The following DNAH9 variants were observed in gnomAD, a reference collection of about 807,000 sequenced individuals.
DNAH9 encodes DNAH9 variant protein.
A neutral mutation model predicts 471.6 loss-of-function variants in DNAH9; 345 were observed. The ratio of observed to expected loss-of-function variants is 0.73; its 90% CI spans 0.67 to 0.80. DNAH9 has a LOEUF of 0.80. Ranked by LOEUF, DNAH9 falls within the 30% of genes least tolerant of loss-of-function variation. The pLI, the probability that DNAH9 is intolerant of heterozygous loss-of-function variation, is 0.00. For synonymous variants in DNAH9, 2,093 were observed against 2,123.6 expected (o/e 0.99, Z 0.40); for missense variants, 5,407 against 5,609.2 (o/e 0.96, Z 1.15).
At chr17:11,632,556 T>C (rs1486197668) in intron 7 of DNAH9, 31 bp from the exon 8 acceptor site, 1 of 1,153,330 alleles carries the variant, frequency 8.7e-7, no homozygotes, top group Non-Finnish European at 1.3e-6. Flanking sequence ...GAAAATTACG[T>C]TTTCCTTATA....
rs574122636 is a variant in DNAH9 at position 11,814,232 on chromosome 17, G to GA, written c.8707+3871dup. Among the ~76,000 whole-genome samples, 40 of 151,944 alleles carry GA rather than the reference G, an allele frequency of 2.6e-4. 1 individual carries two copies. The South Asian group carries it at 7.7e-3, about 29-fold the overall frequency. The stretch of plus-strand genomic sequence containing the variant: ...GCAAGTCCCCACTCTAATTTAGAGG[G>GA]AAAAAAAATCAGAATTATTCCCTGG... On this transcript the variant is annotated intron_variant, in intron 45 of 68. Transcript: ENST00000262442.
At chr17:11,708,004 C>CAGAGAG in intron 26 of DNAH9, among the ~76,000 whole-genome samples, 1 of 49,074 alleles carries the variant, frequency 2.0e-5, no homozygotes, top group East Asian at 7.5e-4. Context: ...CACACACACA[C>CAGAGAG]ACACACACAC....
At chr17:11,945,386 A>C (rs928107615) in intron 67 of DNAH9, among the ~76,000 whole-genome samples, 3 of 151,922 alleles carry the variant, frequency 2.0e-5, no homozygotes, top group African/African-American at 7.3e-5. Context: ...AAAATACAAA[A>C]ATAAGCCAGG....
At chr17:11,856,543 C>CAAAAAA (rs34782323) in intron 50 of DNAH9, among the ~76,000 whole-genome samples, 54,272 of 136,332 alleles carry the variant, frequency 0.4, 11,285 homozygotes, top group Admixed American at 0.52. Context: ...ACTAAAAATA[C>CAAAAAA]AAAAAAAAAA....
intron 49 of DNAH9, among the ~76,000 whole-genome samples, chr17:11,839,515 CAAA>C (rs1187144134): frequency 1.9e-5 from 2 of 106,134 alleles, no homozygotes; most frequent in Admixed American, 9.9e-5. Context: ...GACTCTGTCT[CAAA>C]AAAAAAAAAA....
intron 36 of DNAH9, among the ~76,000 whole-genome samples, chr17:11,765,718 A>G (rs1448861547): frequency 6.6e-6 from 1 of 152,110 alleles, no homozygotes; most frequent in Middle Eastern, 3.4e-3. Context: ...TCTGTGGACT[A>G]CTCCTTTGAC....
At chr17:11,705,403 T>C (rs760633220) in intron 26 of DNAH9, 27 of 512,530 alleles carry the variant, frequency 5.3e-5, no homozygotes, top group Admixed American at 2.8e-4. Flanking sequence ...CCGTGACTTT[T>C]TGAGGAATTA....
chr17:11,691,873 G>A (rs1022841540), intron 20 of DNAH9, among the ~76,000 whole-genome samples: 2 of 151,912 alleles, frequency 1.3e-5, no homozygotes, highest in Admixed American at 6.6e-5. Flanking sequence ...GTGCGATCTC[G>A]GCTCACTGCA....
chr17:11,895,297 C>T (rs1024105568), intron 59 of DNAH9, among the ~76,000 whole-genome samples: 7 of 152,208 alleles, frequency 4.6e-5, no homozygotes, highest in Admixed American at 2.0e-4. Flanking sequence ...CAGGCCTGCA[C>T]TCCATGCAGG....
chr17:11,813,364 C>T (rs1969990142), intron 45 of DNAH9, among the ~76,000 whole-genome samples: 1 of 152,096 alleles, frequency 6.6e-6, no homozygotes, highest in African/African-American at 2.4e-5. Flanking sequence ...TAGAGTATAT[C>T]TTGGTTCTAA....
intron 17 of DNAH9, among the ~76,000 whole-genome samples, chr17:11,677,424 A>G (rs1423604627): frequency 1.3e-5 from 2 of 152,178 alleles, no homozygotes; most frequent in Non-Finnish European, 2.9e-5. Flanking sequence ...TATGTCTTGT[A>G]CTAAAGTATG....
Position 11,969,427 on chromosome 17 carries a change from G to A in DNAH9, c.13361G>A (p.Ser4454Asn), listed in dbSNP as rs774272533. The change falls in exon 69 of 69, where the codon AGT becomes AAT. Residue 4454 changes from serine (S) to asparagine (N), a missense_variant. Transcript: ENST00000262442. Reference sequence around the variant, plus strand: ...TATTCCTGTCCTGTGTACAAGACTAGTCAGCGGGGACCCACCTACGTGTGG... The same window carrying A: ...TATTCCTGTCCTGTGTACAAGACTAATCAGCGGGGACCCACCTACGTGTGG... The part of the protein sequence containing the change: ...SVYSCPVYKT[S>N]QRGPTYVWTF... 1.9e-6 allele frequency: 3 copies of A among 1,614,030 alleles called. 1 individual carries two copies. The South Asian group carries it at 3.3e-5, about 18-fold the overall frequency.
intron 30 of DNAH9, among the ~76,000 whole-genome samples, chr17:11,743,039 G>C (rs1263109903): frequency 6.6e-6 from 1 of 151,936 alleles, no homozygotes; most frequent in African/African-American, 2.4e-5. Context: ...CCTCTCTTCT[G>C]AGCTCTAAAC....
Position 11,939,119 on chromosome 17 carries a change from C to T in DNAH9, c.12660+1597C>T, listed in dbSNP as rs569342851. Among the ~76,000 whole-genome samples the T allele has an allele frequency of 2.1e-3, 321 of 152,100 alleles. 2 individuals carry two copies. Among genetic ancestry groups the T allele is most frequent in the African/African-American group, 6.9e-3 (288 of 41,490 alleles). ...GCCAGAGAGATTGAAATTCTGACTC[C>T]GAGGTCTGGGGTTAGGTTGCATTGG... is the stretch of plus-strand genomic sequence containing the variant. On this transcript the variant is annotated intron_variant, in intron 66 of 68. Transcript: ENST00000262442.
Position 11,954,485 on chromosome 17 carries a change from ACTT to A in DNAH9, c.12844-7378_12844-7376del, listed in dbSNP as rs149933416. Among the ~76,000 whole-genome samples the A allele has an allele frequency of 9.0e-3, 1,366 of 152,052 alleles. 19 individuals carry two copies. Among genetic ancestry groups the A allele is most frequent in the African/African-American group, 0.031 (1,301 of 41,532 alleles). Reference sequence around the variant, plus strand: ...GGATCAAAGAAAAGAATGATGGCAGACTTCTTGTCAGAAGCTGTGCAAGCCAGA... The same window carrying A: ...GGATCAAAGAAAAGAATGATGGCAGACTTGTCAGAAGCTGTGCAAGCCAGA... On this transcript the variant is annotated intron_variant, in intron 67 of 68. Coordinates refer to ENST00000262442, the MANE Select transcript of DNAH9 (RefSeq NM_001372.4).
Position 11,640,384 on chromosome 17 carries a change from C to G in DNAH9, c.1901C>G (p.Pro634Arg). 1 of 1,587,468 alleles carries G rather than the reference C, an allele frequency of 6.3e-7. No individual in the cohort carries two copies. The highest frequency in any genetic ancestry group is 8.7e-7 in the Non-Finnish European group (1 of 1,155,782). The change falls in exon 10 of 69, where the codon CCT becomes CGT. Residue 634 changes from proline (P) to arginine (R), a missense_variant and splice_region_variant. Coordinates refer to ENST00000262442, the MANE Select transcript of DNAH9 (RefSeq NM_001372.4). Reference protein sequence around the residue: ...PFSNFGRITHPCMESAEGKRM... With the variant: ...PFSNFGRITHRCMESAEGKRM... ...AGCAACTTTGGACGCATCACACACC[C>G]GTGAGTATTGTGTTCCTGAAAGACA...
chr17:11,891,940 C>A lies in DNAH9; in HGVS notation c.11276C>A (p.Thr3759Asn). ...CDKLTYLAQL[T>N]FQILLMNREV... is the part of the protein sequence containing the mutation. ...AAGCTGACCTACCTTGCCCAGCTCACCTTTCAGGTAAAAGTGGATTGAAGA... is the reference window on the plus strand; with the variant it reads ...AAGCTGACCTACCTTGCCCAGCTCAACTTTCAGGTAAAAGTGGATTGAAGA... The change falls in exon 58 of 69, where the codon ACC becomes AAC. Residue 3759 changes from threonine (T) to asparagine (N), a missense_variant. This residue lies in a region of DNAH9 where 4,636 missense variants were observed against 4,900.3 expected (regional missense o/e 0.95). Coordinates refer to ENST00000262442, the MANE Select transcript of DNAH9 (RefSeq NM_001372.4). 6.2e-7 allele frequency: 1 copy of A among 1,613,492 alleles called. No homozygotes were observed. Among genetic ancestry groups the A allele is most frequent in the Admixed American group, 1.7e-5 (1 of 59,934 alleles).
At chr17:11,641,952 G>C (rs1203524877) in intron 10 of DNAH9, among the ~76,000 whole-genome samples, 4 of 152,044 alleles carry the variant, frequency 2.6e-5, no homozygotes, top group Non-Finnish European at 5.9e-5. Context: ...CTTCAGAGCT[G>C]TTCTGCCTCC....
At chr17:11,638,855 T>C (rs1169087176) in intron 9 of DNAH9, among the ~76,000 whole-genome samples, 1 of 152,194 alleles carries the variant, frequency 6.6e-6, no homozygotes, top group African/African-American at 2.4e-5. Context: ...ATCCAGTTCC[T>C]CATGACTATA....
Sources: gnomAD v4.1 joint callset for allele counts (sites outside exome capture counted in the v4.1 genomes callset) on GRCh38, gnomAD v4.1.1 for gene constraint, gnomAD v4.1.1 regional missense constraint, MANE v1.5 for transcripts, NCBI Gene and HGNC (gene_info 2026-07-23, HGNC 2026-07-21) for gene names.